The following ZNF726 variants were observed in gnomAD, a reference collection of about 807,000 sequenced individuals.
ZNF726 encodes the protein zinc finger protein 726, also known as zinc finger protein 92 pseudogene 3.
In ZNF726, 15 loss-of-function variants were observed where a neutral mutation model predicts 11.6. That is an observed-to-expected ratio of 1.29 (90% confidence interval 0.86 to 1.99). The LOEUF is 1.99. ZNF726 is among the 30% of genes most tolerant of loss of function. ZNF726 has a pLI of 0.00. For synonymous variants in ZNF726, 295 were observed against 243.6 expected (o/e 1.21, Z -1.96); for missense variants, 890 against 725.6 (o/e 1.23, Z -2.60).
intron 1 of ZNF726, among the ~76,000 whole-genome samples, chr19:23,917,079 T>A (rs945423667): frequency 6.6e-6 from 1 of 152,220 alleles, no homozygotes; most frequent in Non-Finnish European, 1.5e-5. Context: ...GTCTCCCAAG[T>A]AGGTGGGATT....
intron 1 of ZNF726, 48 bp downstream of exon 1, chr19:23,915,045 G>A (rs1967662404): frequency 6.2e-7 from 1 of 1,613,394 alleles, no homozygotes; most frequent in Admixed American, 1.7e-5. Flanking sequence ...GGGGCTGGCT[G>A]GAACCGGTGG....
chr19:23,924,694 C>A (rs1967940754), intron 3 of ZNF726, among the ~76,000 whole-genome samples: 1 of 152,010 alleles, frequency 6.6e-6, no homozygotes, highest in Non-Finnish European at 1.5e-5. Context: ...TTGAGACCAA[C>A]CTGGGTAAAA....
intron 4 of ZNF726, chr19:23,943,778 C>G (rs1968375476): frequency 2.5e-6 from 1 of 405,516 alleles, no homozygotes. Flanking sequence ...TCTAAGGACT[C>G]TACTTCCTAT....
intron 3 of ZNF726, among the ~76,000 whole-genome samples, chr19:23,931,678 A>G (rs1224388800): frequency 6.6e-6 from 1 of 152,202 alleles, no homozygotes; most frequent in African/African-American, 2.4e-5. Flanking sequence ...TCATTATGGC[A>G]GTTTTTCAAA....
Position 23,932,997 on chromosome 19 carries a change from T to G in ZNF726, c.881T>G (p.Phe294Cys). 2.5e-6 allele frequency: 4 copies of G among 1,612,768 alleles called. No individual in the cohort carries two copies. The highest frequency in any genetic ancestry group is 2.5e-6 in the Non-Finnish European group (3 of 1,179,864). ...AAATGTGAAGAATGTGGCAAAGCAT[T>G]TAGCCAACCCTCAGCACTAACCATA... Reference protein sequence around the residue: ...PCKCEECGKAFSQPSALTIHK... With the variant: ...PCKCEECGKACSQPSALTIHK... The change falls in exon 4 of 4, where the codon TTT becomes TGT. Residue 294 changes from phenylalanine (F) to cysteine (C), a missense_variant. By Grantham distance (205) the Phe-to-Cys change is radical. Transcript: ENST00000594466.
At chr19:23,943,685 C>T (rs1968373808) in intron 4 of ZNF726, 1 of 433,832 alleles carries the variant, frequency 2.3e-6, no homozygotes. Context: ...TGCTCTGCTT[C>T]AGTGGAAAGA....
rs183675406 is a variant in ZNF726 at position 23,922,596 on chromosome 19, C to T, written c.226+2514C>T. Among the ~76,000 whole-genome samples, 4 of 152,234 alleles carry T rather than the reference C, an allele frequency of 2.6e-5. No individual in the cohort carries two copies. The East Asian group carries it at 5.8e-4, about 22-fold the overall frequency. On this transcript the variant is annotated intron_variant, in intron 3 of 3. Transcript: ENST00000594466. ...GGTGGAGCACTTTCTTGTCTGTAGCCAAAAACAGTGGTCATGTAGTTTGCA... is the reference window on the plus strand; with the variant it reads ...GGTGGAGCACTTTCTTGTCTGTAGCTAAAAACAGTGGTCATGTAGTTTGCA...
At chr19:23,929,467 G>A (rs2144982559) in intron 3 of ZNF726, among the ~76,000 whole-genome samples, 1 of 152,248 alleles carries the variant, frequency 6.6e-6, no homozygotes, top group African/African-American at 2.4e-5. Context: ...GCTTGTGCAG[G>A]AAAACTCTGC....
At chr19:23,938,632 G>T (rs1968287409), downstream of ZNF726, among the ~76,000 whole-genome samples, 1 of 142,004 alleles carries the variant, frequency 7.0e-6, no homozygotes, top group African/African-American at 2.6e-5. Context: ...TTTTGAGCTG[G>T]AGTCTTGCTC....
rs541286575 is a variant in ZNF726 at position 23,919,984 on chromosome 19, CA to C, written c.131-2del. On this transcript the variant is annotated splice_acceptor_variant, in intron 2 of 3. Transcript: ENST00000594466. LOFTEE classifies it high-confidence loss of function. ...TTCATGTTAATTATTTTTAATAAAA[CA>C]GGTATTGCTGTCTCTAAGCCAGACC... 9.5e-5 allele frequency: 148 copies of C among 1,561,172 alleles called. 1 individual carries two copies. The highest frequency in any genetic ancestry group is 1.3e-4 in the Non-Finnish European group (144 of 1,148,408).
At chr19:23,936,636 A>G (rs949261111), downstream of ZNF726, among the ~76,000 whole-genome samples, 2 of 152,116 alleles carry the variant, frequency 1.3e-5, no homozygotes, top group African/African-American at 4.8e-5. Context: ...CTTTGGGTTA[A>G]CTTGTAATGT....
intron 1 of ZNF726, among the ~76,000 whole-genome samples, chr19:23,918,412 C>T (rs777315933): frequency 2.6e-5 from 4 of 151,968 alleles, no homozygotes; most frequent in South Asian, 2.1e-4. Flanking sequence ...TATTAGGGTG[C>T]TAAAAAAAGG....
intron 1 of ZNF726, among the ~76,000 whole-genome samples, chr19:23,917,497 A>G (rs1405759765): frequency 6.6e-6 from 1 of 151,730 alleles, no homozygotes; most frequent in Non-Finnish European, 1.5e-5. Context: ...AAAAAAGAAA[A>G]AAAAAAAAAA....
At chr19:23,941,541 T>C (rs997091441) in intron 3 of ZNF726, among the ~76,000 whole-genome samples, 4 of 152,186 alleles carry the variant, frequency 2.6e-5, no homozygotes, top group African/African-American at 9.6e-5. Context: ...TGGAACAATG[T>C]CAAAAGTATT....
rs745849204 is a variant in ZNF726, at chr19:23,933,189, C to T, written c.1073C>T (p.Thr358Ile). Reference protein sequence around the residue: ...KAFSQFGHLTTHRIIHTGEKP... With the variant: ...KAFSQFGHLTIHRIIHTGEKP... ...TTTAGCCAATTCGGACACCTTACTACACATAGGATAATTCATACTGGAGAG... is the reference window on the plus strand; with the variant it reads ...TTTAGCCAATTCGGACACCTTACTATACATAGGATAATTCATACTGGAGAG... Residue 358 changes from threonine (T) to isoleucine (I), a missense_variant, in exon 4 of 4, where the codon ACA (threonine) becomes ATA (isoleucine). Transcript: ENST00000594466. 2 of 1,599,534 alleles carry T rather than the reference C, an allele frequency of 1.3e-6. No individual in the cohort carries two copies. The highest frequency in any genetic ancestry group is 2.2e-5 in the East Asian group (1 of 44,676).
intron 3 of ZNF726, among the ~76,000 whole-genome samples, chr19:23,932,021 TA>T (rs2144987279): frequency 6.6e-6 from 1 of 152,342 alleles, no homozygotes; most frequent in South Asian, 2.1e-4. Context: ...AATTTACTTC[TA>T]AAGGCACTAT....
chr19:23,933,590 C>T lies in ZNF726; in HGVS notation c.1474C>T (p.Gln492Ter). Residue 492 changes from glutamine to a stop codon, truncating the protein, a stop_gained, in exon 4 of 4, where the codon CAG becomes TAG. Transcript: ENST00000594466. LOFTEE classifies it low-confidence loss of function (END_TRUNC). The part of the protein sequence containing the change: ...KCEECGKAFS[Q>*]SSTLTAHKII... The stretch of plus-strand genomic sequence containing the variant: ...TGAAGAATGTGGCAAAGCTTTTAGC[C>T]AGTCCTCAACCCTTACTGCACATAA... 1 of 1,611,210 alleles carries T rather than the reference C, an allele frequency of 6.2e-7. No homozygotes were observed. Among genetic ancestry groups the T allele is most frequent in the Non-Finnish European group, 8.5e-7 (1 of 1,179,066 alleles).
At chr19:23,934,895 G>T (rs1471266043), downstream of ZNF726, among the ~76,000 whole-genome samples, 5 of 152,224 alleles carry the variant, frequency 3.3e-5, no homozygotes, top group African/African-American at 9.6e-5. Flanking sequence ...GCAGGGAAAA[G>T]ATACCTGATA....
chr19:23,921,303 A>G (rs1289954920), intron 3 of ZNF726: 2 of 149,640 alleles, frequency 1.3e-5, no homozygotes, highest in African/African-American at 4.9e-5. Flanking sequence ...CTCGATGTAT[A>G]TATATATAGT....
Sources: gnomAD v4.1 joint callset for allele counts (sites outside exome capture counted in the v4.1 genomes callset) on GRCh38, gnomAD v4.1.1 for gene constraint, MANE v1.5 for transcripts, NCBI Gene and HGNC (gene_info 2026-07-23, HGNC 2026-07-21) for gene names.